The following TNR variants were observed in gnomAD, a reference collection of about 807,000 sequenced individuals.
TNR encodes the protein tenascin-R.
A neutral mutation model predicts 150.4 loss-of-function variants in TNR; 45 were observed. The ratio of observed to expected loss-of-function variants is 0.30; its 90% CI spans 0.24 to 0.38. The LOEUF (loss-of-function observed/expected upper bound fraction) is 0.38, where lower values mean the gene tolerates loss of function less well. TNR is among the 10% of genes least tolerant of loss of function. The pLI is 1.00. For synonymous variants in TNR, 687 were observed against 678.4 expected (o/e 1.01, Z -0.20); for missense variants, 1,544 against 1,759.1 (o/e 0.88, Z 2.19).
chr1:175,653,516 A>G (rs59461501), intron 1 of TNR, among the ~76,000 whole-genome samples: 16,957 of 152,234 alleles, frequency 0.11, 1,081 homozygotes, highest in East Asian at 0.2. Context: ...GGCTAAGAGG[A>G]CACTGGGAAG....
At chr1:175,459,253 A>G (rs1571470203) in intron 2 of TNR, among the ~76,000 whole-genome samples, 1 of 151,784 alleles carries the variant, frequency 6.6e-6, no homozygotes, top group Non-Finnish European at 1.5e-5. Flanking sequence ...CACCATCATC[A>G]CCTCTACCAT....
At chr1:175,389,259 CCTT>C (rs1557902045) in intron 7 of TNR, among the ~76,000 whole-genome samples, 1 of 152,200 alleles carries the variant, frequency 6.6e-6, no homozygotes. Context: ...ATCTCCTGAC[CCTT>C]CTTCTCCCTT....
At chr1:175,605,932 C>T (rs1030444233) in intron 1 of TNR, among the ~76,000 whole-genome samples, 4 of 152,062 alleles carry the variant, frequency 2.6e-5, no homozygotes, top group African/African-American at 9.7e-5. Context: ...GAAGAGCTGG[C>T]GAGAGAGATT....
At chr1:175,421,586 A>G (rs1260189504) in intron 2 of TNR, among the ~76,000 whole-genome samples, 1 of 152,232 alleles carries the variant, frequency 6.6e-6, no homozygotes, top group Non-Finnish European at 1.5e-5. Context: ...TTATACCTTC[A>G]TTAGTCTAGA....
At chr1:175,556,183 C>A (rs1172023840) in intron 1 of TNR, among the ~76,000 whole-genome samples, 1 of 152,218 alleles carries the variant, frequency 6.6e-6, no homozygotes, top group African/African-American at 2.4e-5. Context: ...GGAAGGCCAT[C>A]CTTTGGTTTT....
At chr1:175,398,405 T>A (rs1440641480) in intron 4 of TNR, among the ~76,000 whole-genome samples, 5 of 152,234 alleles carry the variant, frequency 3.3e-5, no homozygotes, top group Admixed American at 6.5e-5. Context: ...TTAAATAAGC[T>A]TTCAAATGAT....
chr1:175,700,158 C>T (rs1571766608), intron 1 of TNR, among the ~76,000 whole-genome samples: 1 of 151,340 alleles, frequency 6.6e-6, no homozygotes, highest in East Asian at 1.9e-4. Context: ...GAAGGTTTGG[C>T]AAGGCTGTCA....
intron 1 of TNR, among the ~76,000 whole-genome samples, chr1:175,647,709 G>A (rs1419231222): frequency 6.6e-6 from 1 of 152,164 alleles, no homozygotes; most frequent in Non-Finnish European, 1.5e-5. Flanking sequence ...AGCTTCTTTA[G>A]CTCTCAGGCA....
intron 1 of TNR, among the ~76,000 whole-genome samples, chr1:175,550,645 A>G (rs1164325192): frequency 6.6e-6 from 1 of 152,178 alleles, no homozygotes; most frequent in Non-Finnish European, 1.5e-5. Context: ...CACACAGCAT[A>G]TAATCAGCTT....
chr1:175,468,200 C>T (rs1657117352), intron 2 of TNR, among the ~76,000 whole-genome samples: 1 of 152,140 alleles, frequency 6.6e-6, no homozygotes, highest in Non-Finnish European at 1.5e-5. Context: ...AAGGAGATAG[C>T]ACAGAGTGGG....
At chr1:175,364,861 T>A in intron 12 of TNR, 149 bp downstream of exon 12, 1 of 921,186 alleles carries the variant, frequency 1.1e-6, no homozygotes, top group Non-Finnish European at 1.6e-6. Context: ...CTGGAGGAAG[T>A]AGCTGTTTCA....
chr1:175,651,627 G>C (rs572460885), intron 1 of TNR, among the ~76,000 whole-genome samples: 2 of 152,082 alleles, frequency 1.3e-5, no homozygotes, highest in African/African-American at 2.4e-5. Context: ...CATTTATACA[G>C]GCACATTCTG....
chr1:175,704,616 A>T (rs975605636), intron 1 of TNR, among the ~76,000 whole-genome samples: 3 of 152,138 alleles, frequency 2.0e-5, no homozygotes, highest in Non-Finnish European at 4.4e-5. Flanking sequence ...GCTTTCCCCA[A>T]TGGGGAGGAG....
chr1:175,733,053 G>T (rs1235410573), intron 1 of TNR, among the ~76,000 whole-genome samples: 7 of 152,182 alleles, frequency 4.6e-5, no homozygotes, highest in East Asian at 3.9e-4. Flanking sequence ...GGCAGGCCTT[G>T]GTCAGGCCAG....
rs955118658 is a variant in TNR, at chr1:175,380,746, C to T, written c.1778-1009G>A. Among the ~76,000 whole-genome samples, 3 of 152,158 alleles carry T rather than the reference C, an allele frequency of 2.0e-5. No homozygotes were observed. The South Asian group carries it at 6.2e-4, about 32-fold the overall frequency. On this transcript the variant is annotated intron_variant, in intron 8 of 22. Transcript: ENST00000367674. ...GGCTATCTCCTCAAGCTGCTTTGGG[C>T]AGAAACAGCATAAACAACTTGCAGT...
At chr1:175,389,547 C>T (rs534295070) in intron 7 of TNR, among the ~76,000 whole-genome samples, 2 of 152,324 alleles carry the variant, frequency 1.3e-5, no homozygotes, top group South Asian at 4.1e-4. Context: ...TGTCCAATTA[C>T]GTTTCTACAT....
intron 1 of TNR, among the ~76,000 whole-genome samples, chr1:175,586,274 C>T (rs1448571834): frequency 6.6e-6 from 1 of 152,174 alleles, no homozygotes. Flanking sequence ...GTGCTCCAAA[C>T]ATAGCTTTAG....
chr1:175,422,095 T>C (rs912762059), intron 2 of TNR, among the ~76,000 whole-genome samples: 2 of 152,240 alleles, frequency 1.3e-5, no homozygotes, highest in Non-Finnish European at 2.9e-5. Context: ...AGCCTTTAGG[T>C]GAGGGCACCA....
intron 2 of TNR, among the ~76,000 whole-genome samples, chr1:175,489,735 T>G (rs1324996903): frequency 6.6e-6 from 1 of 152,228 alleles, no homozygotes; most frequent in African/African-American, 2.4e-5. Context: ...TCTGATATTT[T>G]TCTGAGTTTT....
Sources: allele counts gnomAD v4.1 joint callset (sites outside exome capture counted in the v4.1 genomes callset), GRCh38; gene constraint gnomAD v4.1.1; transcripts MANE v1.5; gene names NCBI Gene and HGNC (gene_info 2026-07-23, HGNC 2026-07-21).